Variants in RALGPS1 observed in about 807,000 individuals in gnomAD.
RALGPS1 encodes ras-specific guanine nucleotide-releasing factor RalGPS1.
Under a neutral mutation model 78.8 loss-of-function variants are expected in RALGPS1, and 19 were observed. The ratio of observed to expected loss-of-function variants is 0.24; its 90% CI spans 0.17 to 0.35. RALGPS1 has a LOEUF of 0.35. Among genes scored for constraint, RALGPS1 ranks in the 10% least tolerant of loss-of-function variants. The pLI, the probability that RALGPS1 is intolerant of heterozygous loss-of-function variation, is 1.00. For synonymous variants in RALGPS1, 228 were observed against 256.3 expected, an observed-to-expected ratio of 0.89 and a Z score of 1.06; for missense variants, 454 against 688.3, an observed-to-expected ratio of 0.66 and a Z score of 3.81.
intron 8 of RALGPS1, among the ~76,000 whole-genome samples, chr9:127,126,617 T>C (rs1354809090): frequency 2.6e-5 from 4 of 152,256 alleles, no homozygotes; most frequent in African/African-American, 9.6e-5. Flanking sequence ...ACCTTTTGTC[T>C]ACAGCATTTA....
At chr9:127,153,933 T>C (rs148622982) in intron 8 of RALGPS1, among the ~76,000 whole-genome samples, 1 of 152,276 alleles carries the variant, frequency 6.6e-6, no homozygotes, top group African/African-American at 2.4e-5. Context: ...GTCAAGTTTC[T>C]TGGGTCCTTT....
chr9:127,046,764 A>T (rs1032359613), intron 5 of RALGPS1, among the ~76,000 whole-genome samples: 2 of 151,824 alleles, frequency 1.3e-5, no homozygotes, highest in African/African-American at 4.8e-5. Context: ...ACTCAAGCCC[A>T]GGAGTTTGAG....
At chr9:127,040,150 C>G (rs543738952) in intron 5 of RALGPS1, among the ~76,000 whole-genome samples, 1 of 152,160 alleles carries the variant, frequency 6.6e-6, no homozygotes, top group Admixed American at 6.5e-5. Context: ...CCTGGAATCC[C>G]AGCACTTTGG....
chr9:127,003,106 G>A (rs958126244), intron 4 of RALGPS1, among the ~76,000 whole-genome samples: 3 of 152,094 alleles, frequency 2.0e-5, no homozygotes, highest in Admixed American at 6.6e-5. Flanking sequence ...TCTCCAGCAC[G>A]AAAACCTAGG....
intron 11 of RALGPS1, chr9:127,178,099 A>AC: frequency 8.5e-7 from 1 of 1,171,878 alleles, no homozygotes; most frequent in Non-Finnish European, 1.2e-6. Flanking sequence ...AGTGTTACCA[A>AC]TCCCAGGGAT....
chr9:127,121,346 C>T (rs1156424728), intron 8 of RALGPS1, among the ~76,000 whole-genome samples: 2 of 152,230 alleles, frequency 1.3e-5, no homozygotes, highest in Non-Finnish European at 2.9e-5. Flanking sequence ...GAAGCCAGCT[C>T]ATGAGGACTG....
In RALGPS1 at chr9:126,986,788, G is replaced by A. The variant is rs572682232; in HGVS notation, c.216+9043G>A. Among the ~76,000 whole-genome samples the A allele has an allele frequency of 2.6e-5, 4 of 152,348 alleles. No homozygotes were observed. In the South Asian group the frequency reaches 8.3e-4, roughly 32 times the overall value. On this transcript the variant is annotated intron_variant, in intron 4 of 18. Transcript: ENST00000259351. Reference sequence around the variant, plus strand: ...GTCTGTTAAAGCCACACAGCTTGAAGAGCATGAACTTTGATCTGATGAAGC... The same window carrying A: ...GTCTGTTAAAGCCACACAGCTTGAAAAGCATGAACTTTGATCTGATGAAGC...
chr9:127,016,738 A>C (rs1047497167), intron 4 of RALGPS1: 11 of 152,176 alleles, frequency 7.2e-5, no homozygotes, highest in African/African-American at 2.4e-4. Flanking sequence ...CAGTGTCATC[A>C]TCTGTTCAGT....
chr9:127,136,629 C>G (rs2057412055), intron 8 of RALGPS1, among the ~76,000 whole-genome samples: 1 of 152,142 alleles, frequency 6.6e-6, no homozygotes, highest in Admixed American at 6.6e-5. Flanking sequence ...TGAGCAGAAG[C>G]ACGTGGAGTC....
chr9:127,018,665 A>G (rs1406850073), intron 4 of RALGPS1, among the ~76,000 whole-genome samples: 1 of 150,386 alleles, frequency 6.6e-6, no homozygotes, highest in Non-Finnish European at 1.5e-5. Context: ...TAATAATAAT[A>G]ATAATAATAA....
At position 126,977,164 on chromosome 9, in the gene RALGPS1, G is replaced by A. The variant is rs116446306; in HGVS notation, c.166-531G>A. Among the ~76,000 whole-genome samples the A allele has an allele frequency of 7.9e-3, 1,202 of 152,202 alleles. 23 individuals are homozygous for A. Among genetic ancestry groups the A allele is most frequent in the African/African-American group, 0.027 (1,135 of 41,510 alleles). ...GGTGGAATAAACAGTTTGTTGTCCC[G>A]TGCTGGTCTGTGGGTGCGTCTTGAA... On this transcript the variant is annotated intron_variant, in intron 3 of 18. Coordinates refer to ENST00000259351, the MANE Select transcript of RALGPS1 (RefSeq NM_014636.3).
At chr9:127,056,725 C>A (rs1035211328) in intron 7 of RALGPS1, among the ~76,000 whole-genome samples, 8 of 152,210 alleles carry the variant, frequency 5.3e-5, no homozygotes. Context: ...CTTTTGACTG[C>A]ATTCCTCATC....
intron 4 of RALGPS1, among the ~76,000 whole-genome samples, chr9:127,011,974 T>C (rs890484603): frequency 1.3e-5 from 2 of 152,240 alleles, no homozygotes; most frequent in African/African-American, 4.8e-5. Flanking sequence ...CATTAGTGTT[T>C]ACTTGTCATT....
intron 7 of RALGPS1, among the ~76,000 whole-genome samples, chr9:127,063,136 G>A (rs184834904): frequency 6.6e-6 from 1 of 152,332 alleles, no homozygotes; most frequent in African/African-American, 2.4e-5. Flanking sequence ...AGACACCAAA[G>A]TCCTCATAAA....
At chr9:126,998,551 A>T (rs192388335) in intron 4 of RALGPS1, among the ~76,000 whole-genome samples, 1 of 152,302 alleles carries the variant, frequency 6.6e-6, no homozygotes, top group East Asian at 1.9e-4. Flanking sequence ...AAATAGGAAC[A>T]CTTTGACACT....
At chr9:127,181,995 C>T (rs1313129275) in intron 11 of RALGPS1, among the ~76,000 whole-genome samples, 1 of 151,970 alleles carries the variant, frequency 6.6e-6, no homozygotes, top group Non-Finnish European at 1.5e-5. Flanking sequence ...CCCGCCCATC[C>T]ATTCTGAAAA....
In RALGPS1 at chr9:127,067,626, G is replaced by A. The variant is rs568511608; in HGVS notation, c.484-1604G>A. On this transcript the variant is annotated intron_variant, in intron 7 of 18. Coordinates refer to ENST00000259351, the MANE Select transcript of RALGPS1 (RefSeq NM_014636.3). ...ATGGGGCTTTTGAACACTGGCCTAC[G>A]TCAGTCTGATGGACATGGTGGGTCT... 1.5e-4 allele frequency among the ~76,000 whole-genome samples: 23 copies of A among 152,328 alleles called. No homozygotes were observed. The East Asian group carries it at 2.3e-3, about 15-fold the overall frequency.
chr9:127,027,895 C>T (rs1482951320), intron 4 of RALGPS1, among the ~76,000 whole-genome samples: 1 of 152,208 alleles, frequency 6.6e-6, no homozygotes, highest in Admixed American at 6.5e-5. Flanking sequence ...TAGTCTCATC[C>T]ATCAATTGGT....
At chr9:127,029,290 C>T (rs112615403) in intron 4 of RALGPS1, among the ~76,000 whole-genome samples, 10 of 152,242 alleles carry the variant, frequency 6.6e-5, no homozygotes, top group African/African-American at 2.2e-4. Context: ...GGTCAGGTCC[C>T]CAAAACTGGC....
Sources: allele counts gnomAD v4.1 joint callset (sites outside exome capture counted in the v4.1 genomes callset), GRCh38; gene constraint gnomAD v4.1.1; transcripts MANE v1.5; gene names NCBI Gene and HGNC (gene_info 2026-07-23, HGNC 2026-07-21).